Variants in UBTD1 observed in about 807,000 individuals in gnomAD.
The protein encoded by UBTD1 is ubiquitin domain-containing protein 1.
UBTD1 carries 19 observed loss-of-function variants against 21.7 expected under a neutral mutation model. That is an observed-to-expected ratio of 0.87 (90% CI 0.61 to 1.28). The LOEUF is 1.28. Among genes scored for constraint, UBTD1 ranks in the 50% most tolerant of loss-of-function variants. The probability of loss-of-function intolerance (pLI) is 0.00; values close to 1 mark genes in which losing one functional copy is unlikely to be tolerated. For missense variants in UBTD1, 282 were observed against 315.1 expected (o/e 0.89, Z 0.80); for synonymous variants, 116 against 135.1 (o/e 0.86, Z 0.98).
intron 1 of UBTD1, among the ~76,000 whole-genome samples, chr10:97,547,915 G>C (rs1385227241): frequency 6.6e-6 from 1 of 150,658 alleles, no homozygotes; most frequent in East Asian, 1.9e-4. Flanking sequence ...AAAAAAAAAA[G>C]TAACCTTTAA....
chr10:97,565,997 A>G (rs1281574328), intron 1 of UBTD1, among the ~76,000 whole-genome samples: 2 of 152,202 alleles, frequency 1.3e-5, no homozygotes, highest in Non-Finnish European at 2.9e-5. Flanking sequence ...TACAGGTGTG[A>G]GCCACTAGGC....
intron 1 of UBTD1, 63 bp from the exon 2 acceptor site, chr10:97,567,851 G>C: frequency 1.3e-6 from 2 of 1,528,372 alleles, no homozygotes; most frequent in Non-Finnish European, 1.8e-6. Flanking sequence ...GAGGGGAGGG[G>C]GAGGGCAGGT....
At chr10:97,563,624 A>G (rs1226628008) in intron 1 of UBTD1, among the ~76,000 whole-genome samples, 3 of 152,208 alleles carry the variant, frequency 2.0e-5, no homozygotes, top group African/African-American at 7.2e-5. Context: ...TATCCACTCC[A>G]AGAGGGAGTC....
At chr10:97,531,304 G>A (rs2040530853) in intron 1 of UBTD1, among the ~76,000 whole-genome samples, 1 of 150,610 alleles carries the variant, frequency 6.6e-6, no homozygotes, top group Admixed American at 6.6e-5. Flanking sequence ...TCCACCTCTT[G>A]GGCTCAAGTG....
chr10:97,528,633 A>C (rs1283648147), intron 1 of UBTD1, among the ~76,000 whole-genome samples: 8 of 66,542 alleles, frequency 1.2e-4, no homozygotes, highest in Admixed American at 5.9e-4. Flanking sequence ...CTGAACCCCC[A>C]CCTCCCTCCC....
chr10:97,536,515 T>A (rs952540513), intron 1 of UBTD1, among the ~76,000 whole-genome samples: 2 of 152,222 alleles, frequency 1.3e-5, no homozygotes, highest in Admixed American at 1.3e-4. Context: ...TACTGCAGAC[T>A]TGTGTTCAGA....
chr10:97,532,619 G>A (rs1170465209), intron 1 of UBTD1, among the ~76,000 whole-genome samples: 3 of 152,090 alleles, frequency 2.0e-5, no homozygotes, highest in Non-Finnish European at 4.4e-5. Context: ...GTGAAACCCC[G>A]TCTCTATTAA....
intron 1 of UBTD1, among the ~76,000 whole-genome samples, chr10:97,559,260 G>A (rs913873463): frequency 2.6e-5 from 4 of 152,354 alleles, no homozygotes; most frequent in Non-Finnish European, 5.9e-5. Flanking sequence ...CTACCATGCA[G>A]CCCACGCCTG....
At chr10:97,542,685 T>G (rs1230458511) in intron 1 of UBTD1, among the ~76,000 whole-genome samples, 1 of 152,200 alleles carries the variant, frequency 6.6e-6, no homozygotes, top group Non-Finnish European at 1.5e-5. Context: ...GCCTGTGCTC[T>G]TGGCCGGTCG....
At chr10:97,550,135 C>T (rs1328368403) in intron 1 of UBTD1, among the ~76,000 whole-genome samples, 2 of 152,124 alleles carry the variant, frequency 1.3e-5, no homozygotes, top group Non-Finnish European at 2.9e-5. Context: ...TGCCTTCTCC[C>T]GTCTGGTGTG....
At chr10:97,563,774 G>C (rs1293182032) in intron 1 of UBTD1, among the ~76,000 whole-genome samples, 3 of 152,138 alleles carry the variant, frequency 2.0e-5, no homozygotes, top group Admixed American at 2.0e-4. Context: ...GGGATGACAA[G>C]TTTTCGGGGT....
chr10:97,514,177 A>G (rs2040433677), intron 1 of UBTD1, among the ~76,000 whole-genome samples: 3 of 152,074 alleles, frequency 2.0e-5, no homozygotes, highest in Admixed American at 2.0e-4. Flanking sequence ...GACACTCAAC[A>G]TCTGTGAGCA....
chr10:97,501,843 G>A (rs189091041), intron 1 of UBTD1, among the ~76,000 whole-genome samples: 55 of 152,244 alleles, frequency 3.6e-4, no homozygotes, highest in African/African-American at 1.3e-3. Flanking sequence ...TGCCTGACAA[G>A]TCTGCCATTT....
intron 1 of UBTD1, among the ~76,000 whole-genome samples, chr10:97,512,349 C>G (rs1056132813): frequency 6.6e-6 from 1 of 152,164 alleles, no homozygotes; most frequent in African/African-American, 2.4e-5. Flanking sequence ...TTCCTCTTTG[C>G]CCTTCTCCCC....
chr10:97,544,471 A>T (rs540516744), intron 1 of UBTD1, among the ~76,000 whole-genome samples: 7 of 152,292 alleles, frequency 4.6e-5, no homozygotes, highest in East Asian at 1.9e-4. Context: ...GACAAAAGCG[A>T]CTGCAGTTGG....
At chr10:97,563,425 A>G (rs2040702545) in intron 1 of UBTD1, among the ~76,000 whole-genome samples, 1 of 152,204 alleles carries the variant, frequency 6.6e-6, no homozygotes, top group South Asian at 2.1e-4. Flanking sequence ...AAAGCCAGTA[A>G]TTGTTTGTTA....
intron 1 of UBTD1, among the ~76,000 whole-genome samples, chr10:97,506,190 T>C (rs1382482654): frequency 6.6e-6 from 1 of 152,184 alleles, no homozygotes; most frequent in Non-Finnish European, 1.5e-5. Flanking sequence ...GAGAGCCCAC[T>C]CCGGGAGTGC....
chr10:97,566,210 C>G (rs1457903721), intron 1 of UBTD1, among the ~76,000 whole-genome samples: 4 of 151,078 alleles, frequency 2.6e-5, no homozygotes, highest in African/African-American at 9.7e-5. Context: ...AAATCTGATT[C>G]TTTTGTCTGC....
chr10:97,561,214 A>G (rs2040691149), intron 1 of UBTD1, among the ~76,000 whole-genome samples: 1 of 152,080 alleles, frequency 6.6e-6, no homozygotes, highest in Admixed American at 6.5e-5. Flanking sequence ...TGCATCACTC[A>G]GGCTGGCCGG....
Sources: gnomAD v4.1 joint callset for allele counts (sites outside exome capture counted in the v4.1 genomes callset) on GRCh38, gnomAD v4.1.1 for gene constraint, MANE v1.5 for transcripts, NCBI Gene and HGNC (gene_info 2026-07-23, HGNC 2026-07-21) for gene names.